Variants in CEP170 observed in about 807,000 individuals in gnomAD.
CEP170 encodes centrosomal protein of 170 kDa.
In CEP170, 21 loss-of-function variants were observed where a neutral mutation model predicts 151.9. That is an observed-to-expected ratio of 0.14 (90% CI 0.10 to 0.20). The LOEUF is 0.20. Ranked by LOEUF, CEP170 falls within the 10% of genes least tolerant of loss-of-function variation. The pLI is 1.00. For missense variants in CEP170, 964 were observed against 1,892.9 expected (o/e 0.51, Z 9.11); for synonymous variants, 356 against 648.8 (o/e 0.55, Z 6.86).
intron 14 of CEP170, among the ~76,000 whole-genome samples, chr1:243,152,928 G>T (rs2057243773): frequency 6.6e-6 from 1 of 152,146 alleles, no homozygotes; most frequent in East Asian, 1.9e-4. Context: ...AATAGATCTG[G>T]ACAAAGTAAA....
chr1:243,243,184 A>C (rs1035523909), intron 1 of CEP170, among the ~76,000 whole-genome samples: 1 of 152,150 alleles, frequency 6.6e-6, no homozygotes, highest in Non-Finnish European at 1.5e-5. Flanking sequence ...TGATCATGCC[A>C]CTGCACTCCA....
At chr1:243,247,690 C>T (rs1239144474) in intron 1 of CEP170, among the ~76,000 whole-genome samples, 1 of 152,114 alleles carries the variant, frequency 6.6e-6, no homozygotes, top group Non-Finnish European at 1.5e-5. Context: ...CTTTTCTCTA[C>T]CCTCAAGAAT....
At chr1:243,246,577 T>C (rs896675015) in intron 1 of CEP170, among the ~76,000 whole-genome samples, 1 of 152,136 alleles carries the variant, frequency 6.6e-6, no homozygotes, top group Admixed American at 6.6e-5. Flanking sequence ...ATAAATTGTG[T>C]GTAAGTAGAT....
In CEP170 at chr1:243,199,194, T is replaced by C. The variant is rs1344058028; in HGVS notation, c.497A>G (p.Asp166Gly). ...EALKSEEKAMDISAMPRGTPL... is the reference protein window; with the variant it reads ...EALKSEEKAMGISAMPRGTPL... ...AGTACCACGGGGCATAGCAGAAATA[T>C]CTGGAAAGAGGTGGGAAAAATCTGT... The change falls in exon 7 of 20, where the codon GAT becomes GGT. Residue 166 changes from aspartate to glycine, a missense_variant and splice_region_variant. Asp to Gly is a moderately conservative substitution (Grantham distance 94). Coordinates refer to ENST00000366542, the MANE Select transcript of CEP170 (RefSeq NM_014812.3). 1.2e-6 allele frequency: 2 copies of C among 1,609,590 alleles called. No individual in the cohort carries two copies. Among genetic ancestry groups the C allele is most frequent in the Non-Finnish European group, 1.7e-6 (2 of 1,177,640 alleles).
At chr1:243,171,670 G>A (rs2148613851) in intron 11 of CEP170, among the ~76,000 whole-genome samples, 1 of 151,992 alleles carries the variant, frequency 6.6e-6, no homozygotes, top group East Asian at 1.9e-4. Flanking sequence ...ACATCAATGT[G>A]GTATGAAATT....
At chr1:243,246,932 G>A (rs1294396783) in intron 1 of CEP170, among the ~76,000 whole-genome samples, 15 of 152,012 alleles carry the variant, frequency 9.9e-5, no homozygotes, top group Admixed American at 9.8e-4. Context: ...TAGTCCTATT[G>A]CCTCAAAAAG....
intron 13 of CEP170, among the ~76,000 whole-genome samples, chr1:243,157,354 T>C (rs1379761136): frequency 3.4e-5 from 5 of 148,746 alleles, no homozygotes; most frequent in Non-Finnish European, 7.4e-5. Flanking sequence ...GAATCAAACA[T>C]ACAAATAATT....
chr1:243,231,021 T>A (rs907795530), intron 1 of CEP170, among the ~76,000 whole-genome samples: 2 of 151,608 alleles, frequency 1.3e-5, no homozygotes, highest in Non-Finnish European at 2.9e-5. Context: ...CAATGGAGCC[T>A]CAGTAAGATA....
chr1:243,243,373 A>T lies in CEP170; in HGVS notation c.-42+11667T>A, dbSNP rs560220110. ...GAATGTAGTAAGATATAAAATTTAG[A>T]ATGAATAATTTACTCCTGGATTTGC... On this transcript the variant is annotated intron_variant, in intron 1 of 19. Transcript: ENST00000366542. Among the ~76,000 whole-genome samples, 304 of 152,298 alleles carry T rather than the reference A, an allele frequency of 2.0e-3. 2 individuals carry two copies. The highest frequency in any genetic ancestry group is 3.5e-3 in the Non-Finnish European group (236 of 68,034).
At chr1:243,177,131 A>C (rs1194318020) in intron 10 of CEP170, among the ~76,000 whole-genome samples, 1 of 152,242 alleles carries the variant, frequency 6.6e-6, no homozygotes, top group Non-Finnish European at 1.5e-5. Context: ...GAATATTTGC[A>C]GAGAGGTCAA....
intron 1 of CEP170, among the ~76,000 whole-genome samples, chr1:243,249,984 T>C (rs867464563): frequency 4.6e-5 from 7 of 152,246 alleles, no homozygotes; most frequent in Middle Eastern, 3.4e-3. Flanking sequence ...GGCAGGGGAA[T>C]AGCTTGAATC....
At chr1:243,160,337 G>A (rs1247750505) in intron 13 of CEP170, among the ~76,000 whole-genome samples, 2 of 152,058 alleles carry the variant, frequency 1.3e-5, no homozygotes, top group African/African-American at 2.4e-5. Context: ...GGCCTAGACA[G>A]CATATATATT....
intron 1 of CEP170, among the ~76,000 whole-genome samples, chr1:243,233,413 A>C (rs113413135): frequency 3.9e-3 from 15 of 3,856 alleles, no homozygotes; most frequent in African/African-American, 7.8e-3. Flanking sequence ...ACACAGGTTT[A>C]AAATTACATA....
At chr1:243,224,113 T>A (rs1002066803) in intron 2 of CEP170, among the ~76,000 whole-genome samples, 3 of 152,178 alleles carry the variant, frequency 2.0e-5, no homozygotes, top group African/African-American at 7.2e-5. Context: ...AGAAGGTGCA[T>A]GACAACTTGA....
chr1:243,221,903 C>G lies in CEP170; in HGVS notation c.106-90G>C. On this transcript the variant is annotated intron_variant, in intron 2 of 19. Transcript: ENST00000366542. ...GGCTAGATACCTAATATTAATAGGA[C>G]AGTAAATATAGGGAAATATCAAAGT... 4.6e-6 allele frequency: 5 copies of G among 1,076,762 alleles called. No homozygotes were observed. The South Asian group carries it at 5.0e-5, about 11-fold the overall frequency. 66.7% of individuals were successfully genotyped at this position (1,076,762 alleles called of 1,614,324 possible).
At chr1:243,154,311 G>C (rs1298204551) in intron 14 of CEP170, among the ~76,000 whole-genome samples, 1 of 152,224 alleles carries the variant, frequency 6.6e-6, no homozygotes, top group South Asian at 2.1e-4. Flanking sequence ...AGTCTTTTAG[G>C]TGACAGTAGT....
chr1:243,153,330 G>A (rs1442437996), intron 14 of CEP170, among the ~76,000 whole-genome samples: 1 of 152,176 alleles, frequency 6.6e-6, no homozygotes, highest in African/African-American at 2.4e-5. Flanking sequence ...AAACTCAGTC[G>A]ATAAGCCAGC....
Position 243,164,660 on chromosome 1 carries a change from A to T in CEP170, c.3300T>A (p.Thr1100=). 1 of 1,613,838 alleles carries T rather than the reference A, an allele frequency of 6.2e-7. No individual in the cohort carries two copies. The highest frequency in any genetic ancestry group is 8.5e-7 in the Non-Finnish European group (1 of 1,179,734). ...TTLPRPRPTR[T]SLLRRARLGE... is the part of the protein sequence containing the mutation. ...CAAGTCGTGCTCTGCGCAAGAGGGA[A>T]GTCCTGGTAGGTCGTGGCCTTGGAA... The change falls in exon 13 of 20, where the codon ACT becomes ACA. Residue 1100 remains threonine (T), a synonymous_variant. Coordinates refer to ENST00000366542, the MANE Select transcript of CEP170 (RefSeq NM_014812.3).
intron 7 of CEP170, among the ~76,000 whole-genome samples, chr1:243,193,084 T>G (rs1284790560): frequency 6.6e-6 from 1 of 152,130 alleles, no homozygotes; most frequent in African/African-American, 2.4e-5. Flanking sequence ...TGACATGACC[T>G]AAGTTTAAAA....
Sources: allele counts gnomAD v4.1 joint callset (sites outside exome capture counted in the v4.1 genomes callset), GRCh38; gene constraint gnomAD v4.1.1; transcripts MANE v1.5; gene names NCBI Gene and HGNC (gene_info 2026-07-23, HGNC 2026-07-21).